The following REDIC1 variants were observed in gnomAD, a reference collection of about 807,000 sequenced individuals.
REDIC1 encodes regulator of DNA class I crossover intermediates 1.
chr12:39,696,085 A>G, the REDIC1 span, among the ~76,000 whole-genome samples: 1 of 152,052 alleles, frequency 6.6e-6, no homozygotes, highest in Non-Finnish European at 1.5e-5. Context: ...AGGTCTCAAC[A>G]CCCAAGTCCT....
chr12:39,712,864 CACGTA>C, the REDIC1 span, among the ~76,000 whole-genome samples: 1 of 13,712 alleles, frequency 7.3e-5, no homozygotes, highest in Non-Finnish European at 5.4e-4. Context: ...TATGTATATA[CACGTA>C]TATACACGTA....
At chr12:39,895,965 CAT>C in the REDIC1 span, among the ~76,000 whole-genome samples, 6 of 133,980 alleles carry the variant, frequency 4.5e-5, no homozygotes, top group Non-Finnish European at 4.8e-5. Context: ...TGTATATATA[CAT>C]GTGTATATGT....
chr12:39,826,338 G>A, the REDIC1 span, among the ~76,000 whole-genome samples: 107,812 of 151,538 alleles, frequency 0.71, 39,279 homozygotes, highest in African/African-American at 0.87. Flanking sequence ...TGTCTCCTGT[G>A]AACAGCATAC....
At chr12:39,656,318 T>C in the REDIC1 span, among the ~76,000 whole-genome samples, 3 of 152,162 alleles carry the variant, frequency 2.0e-5, no homozygotes, top group Non-Finnish European at 4.4e-5. Flanking sequence ...TATATGATGG[T>C]GGTCCCATAA....
the REDIC1 span, among the ~76,000 whole-genome samples, chr12:39,658,285 A>T: frequency 6.6e-6 from 1 of 152,032 alleles, no homozygotes. Context: ...GGGTTTCACC[A>T]TGTTGGCCAG....
chr12:39,763,576 T>C, the REDIC1 span, among the ~76,000 whole-genome samples: 1 of 151,988 alleles, frequency 6.6e-6, no homozygotes, highest in Non-Finnish European at 1.5e-5. Context: ...CAGACAAACC[T>C]GTTCTTGCAA....
the REDIC1 span, among the ~76,000 whole-genome samples, chr12:39,704,494 C>T: frequency 6.6e-6 from 1 of 152,180 alleles, no homozygotes; most frequent in African/African-American, 2.4e-5. Context: ...CTAGTTCAAC[C>T]ATTGTAGAAG....
chr12:39,864,070 C>A, the REDIC1 span, among the ~76,000 whole-genome samples: 1 of 152,322 alleles, frequency 6.6e-6, no homozygotes, highest in Middle Eastern at 3.4e-3. Flanking sequence ...AACTTTGAAG[C>A]TCTGCTGCCA....
chr12:39,722,531 T>C, the REDIC1 span, among the ~76,000 whole-genome samples: 1 of 152,162 alleles, frequency 6.6e-6, no homozygotes, highest in Non-Finnish European at 1.5e-5. Flanking sequence ...AAAAGAAGAC[T>C]ATAATGATGA....
the REDIC1 span, among the ~76,000 whole-genome samples, chr12:39,713,694 C>T: frequency 6.9e-6 from 1 of 143,958 alleles, no homozygotes; most frequent in Non-Finnish European, 1.5e-5. Flanking sequence ...TGTATACATG[C>T]GTATATACAT....
the REDIC1 span, among the ~76,000 whole-genome samples, chr12:39,746,802 A>T: frequency 6.6e-6 from 1 of 152,252 alleles, no homozygotes; most frequent in African/African-American, 2.4e-5. Context: ...CGCTGCTGAT[A>T]CCTAGGCAAA....
chr12:39,838,816 G>A, the REDIC1 span, among the ~76,000 whole-genome samples: 1 of 152,030 alleles, frequency 6.6e-6, no homozygotes, highest in Non-Finnish European at 1.5e-5. Flanking sequence ...GTGAAGCTGG[G>A]TGTGAACTCA....
the REDIC1 span, among the ~76,000 whole-genome samples, chr12:39,708,490 GA>G: frequency 5.9e-5 from 9 of 151,666 alleles, no homozygotes. Context: ...AGACTCTCCA[GA>G]CTCTTCACAC....
the REDIC1 span, among the ~76,000 whole-genome samples, chr12:39,773,176 CT>C: frequency 1.3e-5 from 2 of 152,128 alleles, no homozygotes; most frequent in African/African-American, 4.8e-5. Flanking sequence ...GATGTGGCAC[CT>C]TTTCACCACA....
chr12:39,860,581 T>C, the REDIC1 span, among the ~76,000 whole-genome samples: 1 of 152,204 alleles, frequency 6.6e-6, no homozygotes, highest in Non-Finnish European at 1.5e-5. Flanking sequence ...ATTCCACATG[T>C]CCAAAATTGC....
the REDIC1 span, among the ~76,000 whole-genome samples, chr12:39,785,006 G>C: frequency 6.6e-6 from 1 of 152,152 alleles, no homozygotes; most frequent in Non-Finnish European, 1.5e-5. Context: ...GAACATAAAA[G>C]TTAGAAAATT....
chr12:39,885,251 A>T, the REDIC1 span, among the ~76,000 whole-genome samples: 2 of 152,092 alleles, frequency 1.3e-5, no homozygotes, highest in Non-Finnish European at 2.9e-5. Flanking sequence ...ACACAGACTA[A>T]CCTCACTTGA....
At chr12:39,854,608 C>T in the REDIC1 span, among the ~76,000 whole-genome samples, 1 of 152,156 alleles carries the variant, frequency 6.6e-6, no homozygotes, top group Non-Finnish European at 1.5e-5. Flanking sequence ...GACTCTTCTC[C>T]CTCCAATCTA....
the REDIC1 span, among the ~76,000 whole-genome samples, chr12:39,852,251 G>A: frequency 2.6e-5 from 4 of 152,280 alleles, no homozygotes; most frequent in South Asian, 2.1e-4. Context: ...AGATGGACCC[G>A]TCTCTGGTAT....
Sources: gnomAD v4.1 joint callset for allele counts (sites outside exome capture counted in the v4.1 genomes callset) on GRCh38, gnomAD v4.1.1 for gene constraint, MANE v1.5 for transcripts, NCBI Gene and HGNC (gene_info 2026-07-23, HGNC 2026-07-21) for gene names.